Variants in CFAP54 observed in about 807,000 individuals in gnomAD.
The protein encoded by CFAP54 is cilia and flagella associated protein 54, also known as cilia- and flagella-associated protein 54.
A neutral mutation model predicts 370.4 loss-of-function variants in CFAP54; 290 were observed. The observed-to-expected ratio is 0.78, with a 90% CI of 0.71 to 0.86. The LOEUF is 0.86. CFAP54 is among the 40% of genes least tolerant of loss of function. CFAP54 has a pLI of 0.00. For missense variants in CFAP54, 3,399 were observed against 3,528.7 expected, an observed-to-expected ratio of 0.96 and a Z score of 0.93; for synonymous variants, 1,206 against 1,236.5, an observed-to-expected ratio of 0.98 and a Z score of 0.52.
chr12:96,676,412 A>G (rs1957209562), intron 39 of CFAP54, among the ~76,000 whole-genome samples: 1 of 152,064 alleles, frequency 6.6e-6, no homozygotes, highest in Admixed American at 6.5e-5. Flanking sequence ...TATGGGCTGA[A>G]TATTTGTGGT....
intron 67 of CFAP54, among the ~76,000 whole-genome samples, chr12:96,868,865 A>G (rs1036854258): frequency 1.3e-5 from 2 of 152,210 alleles, no homozygotes; most frequent in African/African-American, 2.4e-5. Flanking sequence ...AGTGCTTTAC[A>G]AGATAGATCA....
At chr12:96,653,888 A>G (rs1195021159) in intron 36 of CFAP54, among the ~76,000 whole-genome samples, 1 of 152,150 alleles carries the variant, frequency 6.6e-6, no homozygotes, top group Non-Finnish European at 1.5e-5. Context: ...CAAAAGTGAG[A>G]AAAGCACAAA....
At chr12:96,694,289 T>C (rs930051530) in intron 45 of CFAP54, among the ~76,000 whole-genome samples, 1 of 152,200 alleles carries the variant, frequency 6.6e-6, no homozygotes, top group Non-Finnish European at 1.5e-5. Context: ...GAGATTCATG[T>C]GTGATTGATT....
In CFAP54 at chr12:96,857,766, C is replaced by T. The variant is rs536177203; in HGVS notation, c.9172-3053C>T. On this transcript the variant is annotated intron_variant, in intron 66 of 67. Coordinates refer to ENST00000524981, the MANE Select transcript of CFAP54 (RefSeq NM_001306084.2). The stretch of plus-strand genomic sequence containing the variant: ...TTGTTCTCTCTTTTCTCCCACCCCG[C>T]GAAGAGGGTGCTTGCTTTCCCTTTG... Among the ~76,000 whole-genome samples the T allele has an allele frequency of 2.0e-4, 30 of 152,240 alleles. 1 individual carries two copies. Among genetic ancestry groups the T allele is most frequent in the South Asian group, 8.3e-4 (4 of 4,826 alleles).
chr12:96,756,705 T>G, intron 57 of CFAP54, 142 bp downstream of exon 57: 1 of 643,190 alleles, frequency 1.6e-6, no homozygotes. Context: ...TCAAGCTTGT[T>G]GCTCTTTGTT....
chr12:96,587,944 C>T (rs1956088897), intron 22 of CFAP54, among the ~76,000 whole-genome samples: 1 of 152,152 alleles, frequency 6.6e-6, no homozygotes, highest in East Asian at 1.9e-4. Context: ...TTCTACTTTT[C>T]AATGTTCTGG....
At chr12:96,544,828 G>A (rs886105580) in intron 14 of CFAP54, among the ~76,000 whole-genome samples, 4 of 152,142 alleles carry the variant, frequency 2.6e-5, no homozygotes, top group African/African-American at 9.7e-5. Context: ...TCTTACTCAC[G>A]GAGACTTTCT....
intron 4 of CFAP54, among the ~76,000 whole-genome samples, chr12:96,512,301 TTATATA>T (rs1165045194): frequency 0.092 from 2,709 of 29,414 alleles, 55 homozygotes; most frequent in Admixed American, 0.12. Context: ...GGAACCAATT[TTATATA>T]TATATATATA....
chr12:96,709,707 A>G (rs1386502272), intron 48 of CFAP54, among the ~76,000 whole-genome samples: 3 of 147,986 alleles, frequency 2.0e-5, no homozygotes, highest in Non-Finnish European at 4.5e-5. Context: ...ATGGTTTATT[A>G]TTATTATTAT....
At chr12:96,810,186 G>A (rs1030112679) in intron 63 of CFAP54, among the ~76,000 whole-genome samples, 2 of 151,916 alleles carry the variant, frequency 1.3e-5, no homozygotes, top group South Asian at 4.2e-4. Context: ...TGAGCTTCTC[G>A]GTGTTCTCAG....
At chr12:96,767,629 CTT>C (rs1958413987) in intron 60 of CFAP54, among the ~76,000 whole-genome samples, 3 of 152,144 alleles carry the variant, frequency 2.0e-5, no homozygotes, top group Non-Finnish European at 4.4e-5. Flanking sequence ...ATGTTGATGA[CTT>C]CCCTCACTTC....
intron 15 of CFAP54, among the ~76,000 whole-genome samples, chr12:96,552,235 A>G: frequency 6.6e-6 from 1 of 150,590 alleles, no homozygotes; most frequent in East Asian, 1.9e-4. Context: ...AACAAGAGCA[A>G]AACTACATCT....
At chr12:96,567,494 C>A (rs1955874890) in intron 19 of CFAP54, among the ~76,000 whole-genome samples, 1 of 152,008 alleles carries the variant, frequency 6.6e-6, no homozygotes, top group African/African-American at 2.4e-5. Flanking sequence ...ATCACAAGGC[C>A]AAGTGGTGTC....
chr12:96,669,059 T>C (rs1385279544), intron 39 of CFAP54, among the ~76,000 whole-genome samples: 1 of 152,140 alleles, frequency 6.6e-6, no homozygotes, highest in Non-Finnish European at 1.5e-5. Flanking sequence ...GATTATAGTA[T>C]AGAGTGATAA....
chr12:96,851,794 T>C (rs1025885658), intron 66 of CFAP54, among the ~76,000 whole-genome samples: 1 of 152,040 alleles, frequency 6.6e-6, no homozygotes, highest in Non-Finnish European at 1.5e-5. Context: ...AACCTTCCTG[T>C]CTCCTGAATT....
At chr12:96,577,622 G>A (rs951158699) in intron 20 of CFAP54, among the ~76,000 whole-genome samples, 9 of 150,542 alleles carry the variant, frequency 6.0e-5, no homozygotes, top group Non-Finnish European at 1.0e-4. Context: ...CCTTAAGAAA[G>A]CTAAATACAT....
At position 96,678,623 on chromosome 12, in the gene CFAP54, C is replaced by T. The variant is rs80023922; in HGVS notation, c.5564-977C>T. On this transcript the variant is annotated intron_variant, in intron 39 of 67. Coordinates refer to ENST00000524981, the MANE Select transcript of CFAP54 (RefSeq NM_001306084.2). ...TTTGTCCTAATCAAGTTTTCCCTAT[C>T]CTCGAAGGCACAGCTGGCCTATCTT... 7.0e-3 allele frequency among the ~76,000 whole-genome samples: 1,065 copies of T among 152,258 alleles called. 9 individuals are homozygous for T. Among genetic ancestry groups the T allele is most frequent in the African/African-American group, 0.024 (1,012 of 41,528 alleles).
chr12:96,791,184 C>CTTT (rs369132463), intron 62 of CFAP54, among the ~76,000 whole-genome samples: 5 of 131,426 alleles, frequency 3.8e-5, no homozygotes, highest in Admixed American at 7.9e-5. Flanking sequence ...TTGAAGAACG[C>CTTT]TTTTTTTTTT....
intron 60 of CFAP54, among the ~76,000 whole-genome samples, chr12:96,780,854 G>A (rs890777145): frequency 6.6e-6 from 1 of 152,136 alleles, no homozygotes; most frequent in Non-Finnish European, 1.5e-5. Flanking sequence ...AAGCCACAGA[G>A]CAAGGCCTTT....
Sources: allele counts gnomAD v4.1 joint callset (sites outside exome capture counted in the v4.1 genomes callset), GRCh38; gene constraint gnomAD v4.1.1; transcripts MANE v1.5; gene names NCBI Gene and HGNC (gene_info 2026-07-23, HGNC 2026-07-21).